Variants in ZNF423 observed in about 807,000 individuals in gnomAD.
ZNF423 encodes Ebf-associated zinc finger protein.
A neutral mutation model predicts 95.8 loss-of-function variants in ZNF423; 12 were observed. The ratio of observed to expected loss-of-function variants is 0.13; its 90% confidence interval spans 0.08 to 0.20. The LOEUF (loss-of-function observed/expected upper bound fraction) is 0.20. ZNF423 is among the 10% of genes least tolerant of loss of function. The pLI, the probability that ZNF423 is intolerant of heterozygous loss-of-function variation, is 1.00. For missense variants in ZNF423, 1,316 were observed against 1,737.1 expected, an observed-to-expected ratio of 0.76 and a Z score of 4.31; for synonymous variants, 749 against 711.9, an observed-to-expected ratio of 1.05 and a Z score of -0.83.
chr16:49,638,902 G>A lies in ZNF423; in HGVS notation c.302-28C>T. ...GCAAGAGAAGGCAGAGAGGATATTA[G>A]AGGCAATTCCCAGGGCTGCCGAGAA... On this transcript the variant is annotated intron_variant, in intron 3 of 7. Transcript: ENST00000563137. The surrounding 1 kb of genome is among the most constrained non-coding windows in gnomAD (Gnocchi z 5.6). The A allele has an allele frequency of 6.4e-7, 1 of 1,573,304 alleles. No homozygotes were observed. Among genetic ancestry groups the A allele is most frequent in the Non-Finnish European group, 8.6e-7 (1 of 1,157,942 alleles).
chr16:49,650,133 T>C (rs1415008300), intron 3 of ZNF423, among the ~76,000 whole-genome samples: 2 of 152,194 alleles, frequency 1.3e-5, no homozygotes, highest in African/African-American at 4.8e-5. Context: ...TGAAATGCCA[T>C]GTGACAGTGA....
At chr16:49,668,417 G>C (rs554422690) in intron 3 of ZNF423, among the ~76,000 whole-genome samples, 115 of 152,272 alleles carry the variant, frequency 7.6e-4, no homozygotes, top group African/African-American at 2.7e-3. Flanking sequence ...GCCCAGGCAG[G>C]TCCTCCTGGG....
rs373711732 is a variant in ZNF423, at chr16:49,837,921, G to A, written c.40+17814C>T. 7.9e-5 allele frequency among the ~76,000 whole-genome samples: 12 copies of A among 152,304 alleles called. No individual in the cohort carries two copies. In the South Asian group the frequency reaches 2.5e-3, roughly 32 times the overall value. ...TTGTCGAAGTCAGATAAGCCAGAGC[G>A]GTCTCTCAATGAACAATTACAATCC... On this transcript the variant is annotated intron_variant, in intron 1 of 7. Transcript: ENST00000563137.
intron 7 of ZNF423, among the ~76,000 whole-genome samples, chr16:49,521,317 C>T (rs560240487): frequency 3.3e-5 from 5 of 152,298 alleles, no homozygotes; most frequent in South Asian, 2.1e-4. Flanking sequence ...TATGCACTCA[C>T]GGGTTTAAAA....
chr16:49,494,767 T>C (rs903891327), intron 7 of ZNF423, among the ~76,000 whole-genome samples: 6 of 152,190 alleles, frequency 3.9e-5, no homozygotes, highest in South Asian at 2.1e-4. Flanking sequence ...AGAGCAGCTC[T>C]GGACAGCTAC....
At chr16:49,854,816 A>T in intron 1 of ZNF423, 1 of 985,288 alleles carries the variant, frequency 1.0e-6, no homozygotes, top group Non-Finnish European at 1.2e-6. Flanking sequence ...CAAAGCGTGG[A>T]GACGAAGGGA....
chr16:49,831,693 AGAAATTATTGATAAAGTCT>A (rs1317615940), intron 1 of ZNF423, among the ~76,000 whole-genome samples: 1 of 152,204 alleles, frequency 6.6e-6, no homozygotes, highest in Admixed American at 6.5e-5. Context: ...TGCACAGTGA[AGAAATTATTGATAAAGTCT>A]GAGCACGGTG....
At chr16:49,750,735 C>T (rs1475673762) in intron 2 of ZNF423, among the ~76,000 whole-genome samples, 1 of 152,196 alleles carries the variant, frequency 6.6e-6, no homozygotes, top group Non-Finnish European at 1.5e-5. Flanking sequence ...AAAATCATTG[C>T]TGTGAGTGAT....
At chr16:49,572,161 G>C (rs576446799) in intron 5 of ZNF423, among the ~76,000 whole-genome samples, 1 of 152,310 alleles carries the variant, frequency 6.6e-6, no homozygotes, top group South Asian at 2.1e-4. Flanking sequence ...CAGTGACCTG[G>C]AGTGGAGACA....
chr16:49,514,499 G>A (rs1968051018), intron 7 of ZNF423, among the ~76,000 whole-genome samples: 2 of 152,156 alleles, frequency 1.3e-5, no homozygotes, highest in South Asian at 2.1e-4. Flanking sequence ...CAAGGGCTAG[G>A]AAGGAAGGGT....
chr16:49,817,703 T>G (rs1301541957), intron 1 of ZNF423, among the ~76,000 whole-genome samples: 2 of 152,034 alleles, frequency 1.3e-5, no homozygotes, highest in Non-Finnish European at 2.9e-5. Flanking sequence ...CAAAGAAAAC[T>G]CAGTAAGAAA....
chr16:49,533,014 C>T (rs1040637466), intron 5 of ZNF423, among the ~76,000 whole-genome samples: 6 of 152,176 alleles, frequency 3.9e-5, no homozygotes, highest in African/African-American at 1.2e-4. Flanking sequence ...GGGTCACCCC[C>T]CACCCTGCAG....
At chr16:49,696,344 A>C (rs2031969984) in intron 3 of ZNF423, among the ~76,000 whole-genome samples, 1 of 152,184 alleles carries the variant, frequency 6.6e-6, no homozygotes, top group Non-Finnish European at 1.5e-5. Flanking sequence ...ATTGACATGA[A>C]AGGCTAGAAG....
chr16:49,580,604 C>T (rs956383754), intron 5 of ZNF423, among the ~76,000 whole-genome samples: 3 of 152,258 alleles, frequency 2.0e-5, no homozygotes, highest in Admixed American at 6.5e-5. Flanking sequence ...ACTCAAGACC[C>T]GTAGAAACAA....
intron 3 of ZNF423, among the ~76,000 whole-genome samples, chr16:49,717,811 C>T (rs1409074190): frequency 1.3e-5 from 2 of 152,118 alleles, no homozygotes; most frequent in African/African-American, 4.8e-5. Context: ...TCCAGCAACA[C>T]ACAGAACAGA....
intron 3 of ZNF423, among the ~76,000 whole-genome samples, chr16:49,703,152 G>A (rs1596883955): frequency 6.6e-6 from 1 of 152,304 alleles, no homozygotes; most frequent in Non-Finnish European, 1.5e-5. Flanking sequence ...CCCCACAGGT[G>A]CACCAGGACC....
chr16:49,568,531 C>T (rs1438969873), intron 5 of ZNF423, among the ~76,000 whole-genome samples: 1 of 152,158 alleles, frequency 6.6e-6, no homozygotes, highest in Non-Finnish European at 1.5e-5. Flanking sequence ...GGTATGTATG[C>T]CTCCTAAATC....
At chr16:49,656,935 C>A (rs2029903303) in intron 3 of ZNF423, among the ~76,000 whole-genome samples, 1 of 152,190 alleles carries the variant, frequency 6.6e-6, no homozygotes, top group African/African-American at 2.4e-5. Context: ...TGGAGATGGC[C>A]TAGCAGGGCT....
chr16:49,551,894 G>A (rs764206751), intron 5 of ZNF423, among the ~76,000 whole-genome samples: 1 of 152,206 alleles, frequency 6.6e-6, no homozygotes, highest in Admixed American at 6.5e-5. Context: ...CCTCCCACTT[G>A]TACACTGTGC....
Sources: allele counts gnomAD v4.1 joint callset (sites outside exome capture counted in the v4.1 genomes callset), GRCh38; gene constraint gnomAD v4.1.1; non-coding constraint Gnocchi (gnomAD v3.1); transcripts MANE v1.5; gene names NCBI Gene and HGNC (gene_info 2026-07-23, HGNC 2026-07-21).